RAB31: variants seen among roughly 807,000 people sequenced by gnomAD.
RAB31 encodes ras-related protein Rab-31.
RAB31 carries 21 observed loss-of-function variants against 25.6 expected under a neutral mutation model. The ratio of observed to expected loss-of-function variants is 0.82; its 90% CI spans 0.58 to 1.18. The LOEUF is 1.18. Among genes scored for constraint, RAB31 ranks in the 50% most tolerant of loss-of-function variants. The probability of loss-of-function intolerance (pLI) is 0.00; values close to 1 mark genes in which losing one functional copy is unlikely to be tolerated. For synonymous variants in RAB31, 87 were observed against 84.0 expected (o/e 1.04, Z -0.20); for missense variants, 196 against 250.1 (o/e 0.78, Z 1.46).
At chr18:9,802,256 T>A (rs972267382) in intron 3 of RAB31, among the ~76,000 whole-genome samples, 3 of 152,242 alleles carry the variant, frequency 2.0e-5, no homozygotes, top group Non-Finnish European at 4.4e-5. Flanking sequence ...ACTTTGTAGA[T>A]GACTTTGGGG....
At chr18:9,710,731 G>C (rs1462690448) in intron 1 of RAB31, among the ~76,000 whole-genome samples, 1 of 152,072 alleles carries the variant, frequency 6.6e-6, no homozygotes, top group Non-Finnish European at 1.5e-5. Flanking sequence ...AGCGGCGCAT[G>C]CTTGTAATCC....
At chr18:9,709,686 C>T (rs2068006518) in intron 1 of RAB31, among the ~76,000 whole-genome samples, 1 of 152,198 alleles carries the variant, frequency 6.6e-6, no homozygotes, top group Non-Finnish European at 1.5e-5. Flanking sequence ...TCTGGGAAGG[C>T]CCTGCCCTCC....
At chr18:9,722,484 T>G (rs895692603) in intron 1 of RAB31, among the ~76,000 whole-genome samples, 1 of 152,244 alleles carries the variant, frequency 6.6e-6, no homozygotes, top group African/African-American at 2.4e-5. Flanking sequence ...GGAGCAACAC[T>G]GTTCATCATG....
At chr18:9,822,053 T>G (rs1339536597) in intron 5 of RAB31, among the ~76,000 whole-genome samples, 2 of 152,194 alleles carry the variant, frequency 1.3e-5, no homozygotes, top group African/African-American at 4.8e-5. Context: ...CTGTTCTATA[T>G]GAAGGCTTAC....
chr18:9,726,585 G>A (rs1198017575), intron 1 of RAB31, among the ~76,000 whole-genome samples: 1 of 152,164 alleles, frequency 6.6e-6, no homozygotes, highest in Non-Finnish European at 1.5e-5. Flanking sequence ...TAAGGCTTAA[G>A]GGAGTTTAAG....
At chr18:9,760,667 C>G (rs1019214709) in intron 1 of RAB31, among the ~76,000 whole-genome samples, 3 of 152,142 alleles carry the variant, frequency 2.0e-5, no homozygotes, top group African/African-American at 7.2e-5. Context: ...GGTCCCAGGA[C>G]TAAGGATCCT....
chr18:9,746,311 A>T (rs114080238), intron 1 of RAB31, among the ~76,000 whole-genome samples: 1,783 of 152,328 alleles, frequency 0.012, 43 homozygotes, highest in African/African-American at 0.041. Flanking sequence ...CATGGATTGG[A>T]AGACTTCTTA....
At chr18:9,711,818 A>G (rs1451625912) in intron 1 of RAB31, among the ~76,000 whole-genome samples, 2 of 152,198 alleles carry the variant, frequency 1.3e-5, no homozygotes, top group Non-Finnish European at 2.9e-5. Flanking sequence ...GAGAACATAG[A>G]CTTCATAACA....
intron 1 of RAB31, among the ~76,000 whole-genome samples, chr18:9,755,081 G>T (rs966116546): frequency 6.6e-6 from 1 of 152,144 alleles, no homozygotes; most frequent in Non-Finnish European, 1.5e-5. Context: ...CGTCACACTA[G>T]TAAGTCTGTC....
At chr18:9,709,295 C>T (rs1467412943) in intron 1 of RAB31, among the ~76,000 whole-genome samples, 1 of 152,168 alleles carries the variant, frequency 6.6e-6, no homozygotes, top group Admixed American at 6.5e-5. Context: ...AGGGTCGCTT[C>T]CTTTCGGGGG....
At chr18:9,820,926 A>C (rs1222591196) in intron 5 of RAB31, among the ~76,000 whole-genome samples, 1 of 151,118 alleles carries the variant, frequency 6.6e-6, no homozygotes, top group African/African-American at 2.4e-5. Context: ...CCTCCTGTTT[A>C]CTTTGGATTT....
intron 1 of RAB31, among the ~76,000 whole-genome samples, chr18:9,709,096 A>G (rs2068002607): frequency 6.6e-6 from 1 of 152,192 alleles, no homozygotes; most frequent in Non-Finnish European, 1.5e-5. Flanking sequence ...TGCGGGTGAA[A>G]GAAGCTGCCT....
At chr18:9,814,940 TTAAGTA>T (rs527920427) in intron 4 of RAB31, among the ~76,000 whole-genome samples, 170 bp from the exon 5 acceptor site, 34 of 152,336 alleles carry the variant, frequency 2.2e-4, no homozygotes, top group African/African-American at 8.2e-4. Flanking sequence ...TATGGTCTAT[TTAAGTA>T]TATTTCAGCT....
At chr18:9,813,752 C>A (rs1428023136) in intron 3 of RAB31, among the ~76,000 whole-genome samples, 1 of 151,966 alleles carries the variant, frequency 6.6e-6, no homozygotes. Context: ...CTCAGGAAGC[C>A]AAGGCATGAG....
intron 1 of RAB31, among the ~76,000 whole-genome samples, chr18:9,759,957 G>A (rs8096269): frequency 2.6e-5 from 4 of 151,932 alleles, no homozygotes; most frequent in Non-Finnish European, 5.9e-5. Flanking sequence ...GGTGGTCCCC[G>A]TGAGCACGTT....
intron 1 of RAB31, among the ~76,000 whole-genome samples, chr18:9,767,642 G>A (rs1478528732): frequency 6.6e-6 from 1 of 152,214 alleles, no homozygotes; most frequent in Non-Finnish European, 1.5e-5. Context: ...ATTGATTACT[G>A]ATGTCTGCCA....
chr18:9,775,034 A>G (rs2068364689), intron 1 of RAB31: 2 of 600,584 alleles, frequency 3.3e-6, no homozygotes, highest in Non-Finnish European at 5.8e-6. Flanking sequence ...AATATTGTAT[A>G]CATGTCAGAC....
At chr18:9,720,807 C>G (rs2068070361) in intron 1 of RAB31, among the ~76,000 whole-genome samples, 1 of 151,166 alleles carries the variant, frequency 6.6e-6, no homozygotes, top group Non-Finnish European at 1.5e-5. Context: ...CCATTTGGTT[C>G]TTACTGGAAA....
chr18:9,795,687 G>A (rs111834349), intron 3 of RAB31, among the ~76,000 whole-genome samples: 5,670 of 152,078 alleles, frequency 0.037, 341 homozygotes, highest in African/African-American at 0.13. Context: ...AATATGATAC[G>A]GCCTTACTCT....
Sources: gnomAD v4.1 joint callset for allele counts (sites outside exome capture counted in the v4.1 genomes callset) on GRCh38, gnomAD v4.1.1 for gene constraint, MANE v1.5 for transcripts, NCBI Gene and HGNC (gene_info 2026-07-23, HGNC 2026-07-21) for gene names.